GSTO1: variants seen among roughly 807,000 people sequenced by gnomAD.
The protein encoded by GSTO1 is glutathione S-transferase omega-1.
In GSTO1, 27 loss-of-function variants were observed where a neutral mutation model predicts 23.8. The observed-to-expected ratio is 1.13, with a 90% CI of 0.83 to 1.56. The LOEUF is 1.56. GSTO1 is among the 40% of genes most tolerant of loss of function. GSTO1 has a pLI of 0.00. For synonymous variants in GSTO1, 105 were observed against 109.3 expected, an observed-to-expected ratio of 0.96 and a Z score of 0.25; for missense variants, 255 against 285.8, an observed-to-expected ratio of 0.89 and a Z score of 0.78.
At chr10:104,257,342 A>AT (rs111298496) in intron 2 of GSTO1, among the ~76,000 whole-genome samples, 382 of 139,192 alleles carry the variant, frequency 2.7e-3, no homozygotes, top group African/African-American at 5.8e-3. Context: ...TTGTGGGTGG[A>AT]TTTTTTTTTT....
chr10:104,267,283 TG>T lies in GSTO1; in HGVS notation c.606del (p.Trp202Ter). On this transcript the variant is annotated frameshift_variant, in exon 6 of 6. Transcript: ENST00000369713. LOFTEE classifies it low-confidence loss of function (END_TRUNC). ...CVDHTPKLKL[W>X]MAAMKEDPTV... ...AGACCACACTCCAAAACTGAAACTG[TG>T]GATGGCAGCCATGAAGGAAGATCCC... is the stretch of plus-strand genomic sequence containing the variant. 6.2e-7 allele frequency: 1 copy of T among 1,613,572 alleles called. No homozygotes were observed.
intron 3 of GSTO1, among the ~76,000 whole-genome samples, chr10:104,261,745 G>A (rs1459423628): frequency 6.6e-6 from 1 of 152,324 alleles, no homozygotes; most frequent in African/African-American, 2.4e-5. Context: ...AGGCTGAACT[G>A]ATGTGGATGG....
At chr10:104,255,364 C>G (rs2091598238) in intron 2 of GSTO1, 93 bp downstream of exon 2, 1 of 759,716 alleles carries the variant, frequency 1.3e-6, no homozygotes, top group Admixed American at 2.2e-5. Context: ...TTCTACCCCC[C>G]TCCCACCAGC....
intron 1 of GSTO1, 91 bp from the exon 2 acceptor site, chr10:104,255,072 G>C (rs1300115585): frequency 7.0e-7 from 1 of 1,435,884 alleles, no homozygotes; most frequent in Non-Finnish European, 9.6e-7. Flanking sequence ...GCGGGGAACG[G>C]GTCGGAGCTG....
At position 104,254,910 on chromosome 10, in the gene GSTO1, C is replaced by A. The variant is rs1475301413; in HGVS notation, c.-19C>A. 4 of 1,610,764 alleles carry A rather than the reference C, an allele frequency of 2.5e-6. No individual in the cohort carries two copies. In the South Asian group the frequency reaches 4.4e-5, roughly 18 times the overall value. On this transcript the variant is annotated 5_prime_UTR_variant, in exon 1 of 6. Transcript: ENST00000369713. ...ATCCCCTGCAAACCCCAGAGGAGCTCGGCCTGCGCTGCGCCACGATGTCCG... is the reference window on the plus strand; with the variant it reads ...ATCCCCTGCAAACCCCAGAGGAGCTAGGCCTGCGCTGCGCCACGATGTCCG...
At chr10:104,260,513 A>T (rs751740886) in intron 3 of GSTO1, among the ~76,000 whole-genome samples, 1 of 152,222 alleles carries the variant, frequency 6.6e-6, no homozygotes, top group Non-Finnish European at 1.5e-5. Context: ...GTGAGCATCT[A>T]CTTTGTGTTG....
At chr10:104,261,255 GT>G (rs2011138149) in intron 3 of GSTO1, among the ~76,000 whole-genome samples, 1 of 152,194 alleles carries the variant, frequency 6.6e-6, no homozygotes, top group African/African-American at 2.4e-5. Flanking sequence ...TTAAAAAGTA[GT>G]CACAAGAGAT....
intron 4 of GSTO1, among the ~76,000 whole-genome samples, chr10:104,265,593 A>C (rs1484364112): frequency 6.6e-6 from 1 of 152,208 alleles, no homozygotes; most frequent in African/African-American, 2.4e-5. Context: ...TACCCTTGCC[A>C]ACTTCATTTT....
intron 2 of GSTO1, among the ~76,000 whole-genome samples, chr10:104,258,338 A>AT (rs2011111077): frequency 6.6e-6 from 1 of 152,244 alleles, no homozygotes; most frequent in African/African-American, 2.4e-5. Flanking sequence ...GGCCTTGGCA[A>AT]TGATTTCCTG....
At position 104,259,761 on chromosome 10, in the gene GSTO1, A is replaced by G; in HGVS notation, c.329A>G (p.Lys110Arg). Reference protein sequence around the residue: ...KKLLPDDPYEKACQKMILELF... With the variant: ...KKLLPDDPYERACQKMILELF... ...CTGTTGCCGGATGACCCCTATGAGA[A>G]AGCTTGCCAGAAGATGATCTTAGAG... Residue 110 changes from lysine to arginine, a missense_variant, in exon 3 of 6, where the codon AAA (lysine) becomes AGA (arginine). Physicochemically the swap from Lys to Arg is conservative, Grantham distance 26. Transcript: ENST00000369713. 6.2e-7 allele frequency: 1 copy of G among 1,613,668 alleles called. No homozygotes were observed. The highest frequency in any genetic ancestry group is 8.5e-7 in the Non-Finnish European group (1 of 1,179,570).
intron 2 of GSTO1, among the ~76,000 whole-genome samples, chr10:104,259,121 A>T (rs1045722788): frequency 4.6e-5 from 7 of 152,230 alleles, no homozygotes; most frequent in Non-Finnish European, 8.8e-5. Flanking sequence ...TAGAACTACC[A>T]TGTGATTCAG....
intron 3 of GSTO1, among the ~76,000 whole-genome samples, chr10:104,261,907 A>G (rs888439281): frequency 2.6e-5 from 4 of 152,242 alleles, no homozygotes; most frequent in African/African-American, 9.6e-5. Flanking sequence ...TGCTACACCC[A>G]TCAAGTCTTT....
intron 5 of GSTO1, 45 bp downstream of exon 5, chr10:104,266,235 G>A: frequency 9.9e-7 from 1 of 1,011,240 alleles, no homozygotes; most frequent in Non-Finnish European, 1.6e-6. Flanking sequence ...ATGACAGGTG[G>A]AATAGTATAT....
Position 104,254,973 on chromosome 10 carries a change from C to G in GSTO1, c.34+11C>G, listed in dbSNP as rs750046693. ...GGAGCTTGGGGAAGGGTGAGGCCTG[C>G]CCGCCGCGAAGAGGGGGTGATCTCG... On this transcript the variant is annotated intron_variant, in intron 1 of 5. Coordinates refer to ENST00000369713, the MANE Select transcript of GSTO1 (RefSeq NM_004832.3). The G allele has an allele frequency of 2.5e-6, 4 of 1,605,038 alleles. No homozygotes were observed. Among genetic ancestry groups the G allele is most frequent in the Non-Finnish European group, 3.4e-6 (4 of 1,176,154 alleles).
rs1564838342 is a variant in GSTO1 at position 104,266,142 on chromosome 10, AC to A, written c.526del (p.Leu176SerfsTer12). 6.2e-7 allele frequency: 1 copy of A among 1,611,624 alleles called. No individual in the cohort carries two copies. Among genetic ancestry groups the A allele is most frequent in the East Asian group, 2.2e-5 (1 of 44,856 alleles). The part of the protein sequence containing the change: ...FGGNSISMID[Y>X]LIWPWFERLE... ...GGCAATTCTATCTCTATGATTGATTACCTCATCTGGCCCTGGTTTGAACGGC... is the reference window on the plus strand; with the variant it reads ...GGCAATTCTATCTCTATGATTGATTACTCATCTGGCCCTGGTTTGAACGGC... On this transcript the variant is annotated frameshift_variant, in exon 5 of 6. Transcript: ENST00000369713. LOFTEE classifies it low-confidence loss of function (END_TRUNC).
At chr10:104,261,356 T>C (rs1220139958) in intron 3 of GSTO1, among the ~76,000 whole-genome samples, 1 of 151,976 alleles carries the variant, frequency 6.6e-6, no homozygotes, top group Non-Finnish European at 1.5e-5. Context: ...AAAGGAGAGG[T>C]GGCTTTATGT....
intron 2 of GSTO1, among the ~76,000 whole-genome samples, chr10:104,256,005 G>A (rs1411533416): frequency 6.6e-6 from 1 of 152,178 alleles, no homozygotes; most frequent in African/African-American, 2.4e-5. Context: ...GGTGTGGAAG[G>A]TTCTGTGGAA....
chr10:104,255,075 C>A, intron 1 of GSTO1, 88 bp from the exon 2 acceptor site: 3 of 1,433,232 alleles, frequency 2.1e-6, no homozygotes, highest in Non-Finnish European at 2.9e-6. Flanking sequence ...GGGAACGGGT[C>A]GGAGCTGCAG....
In GSTO1 at chr10:104,255,099, C is replaced by A. The variant is rs1388534168; in HGVS notation, c.35-64C>A. ...TCGGAGCTGCAGTGGGACGCGGGGGCGGTGGGATACGGGGGGTCTCGACAC... is the reference window on the plus strand; with the variant it reads ...TCGGAGCTGCAGTGGGACGCGGGGGAGGTGGGATACGGGGGGTCTCGACAC... On this transcript the variant is annotated intron_variant, in intron 1 of 5. Coordinates refer to ENST00000369713, the MANE Select transcript of GSTO1 (RefSeq NM_004832.3). 8 of 1,431,682 alleles carry A rather than the reference C, an allele frequency of 5.6e-6. No individual in the cohort carries two copies. The African/African-American group carries it at 8.4e-5, about 15-fold the overall frequency. 88.7% of individuals were successfully genotyped at this position (1,431,682 alleles called of 1,614,324 possible).
Sources: gnomAD v4.1 joint callset for allele counts (sites outside exome capture counted in the v4.1 genomes callset) on GRCh38, gnomAD v4.1.1 for gene constraint, MANE v1.5 for transcripts, NCBI Gene and HGNC (gene_info 2026-07-23, HGNC 2026-07-21) for gene names.